FAM168B: variants seen among roughly 807,000 people sequenced by gnomAD.
FAM168B encodes the protein family with sequence similarity 168 member B.
A neutral mutation model predicts 21.8 loss-of-function variants in FAM168B; 19 were observed. The ratio of observed to expected loss-of-function variants is 0.87; its 90% CI spans 0.61 to 1.28. FAM168B has a LOEUF of 1.28. Among genes scored for constraint, FAM168B ranks in the 50% most tolerant of loss-of-function variants. The pLI, the probability that FAM168B is intolerant of heterozygous loss-of-function variation, is 0.00. For synonymous variants in FAM168B, 126 were observed against 104.8 expected, an observed-to-expected ratio of 1.20 and a Z score of -1.24; for missense variants, 233 against 263.1, an observed-to-expected ratio of 0.89 and a Z score of 0.79.
chr2:131,079,646 G>A (rs1460495923), intron 2 of FAM168B, among the ~76,000 whole-genome samples: 1 of 152,116 alleles, frequency 6.6e-6, no homozygotes, highest in Non-Finnish European at 1.5e-5. Context: ...ACCTGCCAAC[G>A]CCTTGATTTC....
At chr2:131,060,634 T>G (rs1692244266) in intron 3 of FAM168B, among the ~76,000 whole-genome samples, 1 of 152,208 alleles carries the variant, frequency 6.6e-6, no homozygotes, top group South Asian at 2.1e-4. Flanking sequence ...TGTTTCTAAG[T>G]GTGGACAGGC....
In FAM168B at chr2:131,052,399, C is replaced by T; in HGVS notation, c.*66G>A. Reference sequence around the variant, plus strand: ...GTCCTGGTTGGAGGCGCAAGGCCTGCAGCACCAGCTGTGGAATCCCCAATA... The same window carrying T: ...GTCCTGGTTGGAGGCGCAAGGCCTGTAGCACCAGCTGTGGAATCCCCAATA... On this transcript the variant is annotated 3_prime_UTR_variant, in exon 7 of 7. Transcript: ENST00000389915. 1 of 987,336 alleles carries T rather than the reference C, an allele frequency of 1.0e-6. No individual in the cohort carries two copies. Among genetic ancestry groups the T allele is most frequent in the Non-Finnish European group, 1.2e-6 (1 of 830,824 alleles). 61.2% of individuals were successfully genotyped at this position (987,336 alleles called of 1,614,324 possible).
At chr2:131,069,445 G>A (rs1355320722) in intron 3 of FAM168B, among the ~76,000 whole-genome samples, 1 of 150,346 alleles carries the variant, frequency 6.7e-6, no homozygotes, top group Non-Finnish European at 1.5e-5. Context: ...ACTTCTACAA[G>A]AAAAAAGAAG....
chr2:131,052,996 G>A lies in FAM168B; in HGVS notation c.495C>T (p.His165=). ...GGTGGGGGGCGACAGGAGTTGGGGA[G>A]TGAGCAGTCAGCAGGGTACCTGGAA... ...AMSAGTLLTA[H]SPTPVAPHPV... is the part of the protein sequence containing the mutation. Residue 165 remains histidine (H), a synonymous_variant, in exon 6 of 7, where the codon CAC becomes CAT. Transcript: ENST00000389915. The A allele has an allele frequency of 6.4e-7, 1 of 1,554,098 alleles. No individual in the cohort carries two copies. The highest frequency in any genetic ancestry group is 8.7e-7 in the Non-Finnish European group (1 of 1,148,478).
At chr2:131,057,699 T>A (rs1052497448) in intron 3 of FAM168B, among the ~76,000 whole-genome samples, 3 of 152,248 alleles carry the variant, frequency 2.0e-5, no homozygotes, top group African/African-American at 7.2e-5. Context: ...TGAGCTGTAA[T>A]TATGCCTCTG....
chr2:131,070,289 C>A (rs1352690468), intron 3 of FAM168B, among the ~76,000 whole-genome samples: 1 of 152,168 alleles, frequency 6.6e-6, no homozygotes, highest in Non-Finnish European at 1.5e-5. Flanking sequence ...AACTGACATA[C>A]AGTAAAAGCA....
chr2:131,049,364 A>G lies in FAM168B; in HGVS notation c.*3101T>C, dbSNP rs754850599. The G allele has an allele frequency of 2.2e-4, 220 of 985,316 alleles. No homozygotes were observed. The highest frequency in any genetic ancestry group is 2.6e-4 in the Non-Finnish European group (214 of 829,978). 61.0% of individuals were successfully genotyped at this position (985,316 alleles called of 1,614,324 possible). On this transcript the variant is annotated 3_prime_UTR_variant, in exon 7 of 7. Coordinates refer to ENST00000389915, the MANE Select transcript of FAM168B (RefSeq NM_001009993.4). ...TGAACACATTTGCATAGCACTCAAG[A>G]AGGTTTCCCAGAATAGCGACAGGTA...
chr2:131,051,345 A>C lies in FAM168B; in HGVS notation c.*1120T>G. 4.1e-6 allele frequency: 4 copies of C among 985,392 alleles called. No individual in the cohort carries two copies. Among genetic ancestry groups the C allele is most frequent in the Non-Finnish European group, 4.8e-6 (4 of 829,930 alleles). 61.0% of individuals were successfully genotyped at this position (985,392 alleles called of 1,614,324 possible). ...TCTACAAGAAATTGGAGGAATTTTA[A>C]ATAAAGTTTTGTTCCCTTTTAACTC... On this transcript the variant is annotated 3_prime_UTR_variant, in exon 7 of 7. Transcript: ENST00000389915.
intron 3 of FAM168B, among the ~76,000 whole-genome samples, chr2:131,061,782 G>C (rs1310805219): frequency 1.5e-5 from 2 of 129,868 alleles, no homozygotes; most frequent in Non-Finnish European, 1.7e-5. Flanking sequence ...ACCCTGTCTC[G>C]AAAAAAAAAA....
intron 2 of FAM168B, among the ~76,000 whole-genome samples, chr2:131,079,140 G>T (rs988524941): frequency 1.3e-5 from 2 of 151,968 alleles, no homozygotes; most frequent in African/African-American, 4.8e-5. Context: ...TGGAATCCTG[G>T]ACTGCCCAGG....
intron 3 of FAM168B, among the ~76,000 whole-genome samples, chr2:131,067,885 T>A (rs1194591861): frequency 6.6e-6 from 1 of 152,170 alleles, no homozygotes; most frequent in African/African-American, 2.4e-5. Flanking sequence ...AAGGGAGTTA[T>A]AAAATTCAAA....
chr2:131,056,257 T>C (rs142443853), intron 3 of FAM168B, among the ~76,000 whole-genome samples: 256 of 152,272 alleles, frequency 1.7e-3, no homozygotes, highest in Middle Eastern at 3.4e-3. Flanking sequence ...TGAACACACA[T>C]ACTTGCTTTT....
chr2:131,092,957 G>A (rs900325342), intron 1 of FAM168B, among the ~76,000 whole-genome samples: 4 of 151,930 alleles, frequency 2.6e-5, no homozygotes, highest in African/African-American at 9.7e-5. Flanking sequence ...AGAACGCCCC[G>A]CGCCGCGAAG....
At chr2:131,090,105 G>A (rs1450427530) in intron 1 of FAM168B, among the ~76,000 whole-genome samples, 3 of 145,254 alleles carry the variant, frequency 2.1e-5, no homozygotes, top group East Asian at 2.0e-4. Context: ...GGATCACGAG[G>A]TCAGGAGATC....
At chr2:131,079,555 A>G (rs1282673231) in intron 2 of FAM168B, among the ~76,000 whole-genome samples, 1 of 152,228 alleles carries the variant, frequency 6.6e-6, no homozygotes, top group African/African-American at 2.4e-5. Context: ...ACAAAGCCAC[A>G]TGCTAAAGAC....
chr2:131,077,717 A>G (rs1385469615), intron 2 of FAM168B, among the ~76,000 whole-genome samples: 3 of 152,160 alleles, frequency 2.0e-5, no homozygotes, highest in Non-Finnish European at 4.4e-5. Flanking sequence ...GGTTTTGGTG[A>G]TCTTGAAGGG....
chr2:131,063,674 G>A (rs903711093), intron 3 of FAM168B, among the ~76,000 whole-genome samples: 4 of 152,148 alleles, frequency 2.6e-5, no homozygotes, highest in East Asian at 1.9e-4. Context: ...GATTTAGGAG[G>A]CCAAGGCAGG....
intron 3 of FAM168B, among the ~76,000 whole-genome samples, chr2:131,055,953 G>A (rs868805401): frequency 1.3e-5 from 2 of 152,240 alleles, no homozygotes; most frequent in East Asian, 1.9e-4. Context: ...CAGATGGAAT[G>A]CTCACACAAG....
intron 2 of FAM168B, among the ~76,000 whole-genome samples, chr2:131,080,803 G>A (rs1693394047): frequency 6.6e-6 from 1 of 151,456 alleles, no homozygotes; most frequent in African/African-American, 2.4e-5. Flanking sequence ...CTAAGTAGCT[G>A]GAGATACAGG....
Sources: allele counts gnomAD v4.1 joint callset (sites outside exome capture counted in the v4.1 genomes callset), GRCh38; gene constraint gnomAD v4.1.1; transcripts MANE v1.5; gene names NCBI Gene and HGNC (gene_info 2026-07-23, HGNC 2026-07-21).